NRXN2: variants seen among roughly 807,000 people sequenced by gnomAD.
NRXN2 encodes neurexin 2.
A neutral mutation model predicts 128.8 loss-of-function variants in NRXN2; 29 were observed. The observed-to-expected ratio is 0.23, with a 90% CI of 0.17 to 0.31. The LOEUF (loss-of-function observed/expected upper bound fraction) is 0.31, where lower values mean the gene tolerates loss of function less well. NRXN2 is among the 10% of genes least tolerant of loss of function. The probability of loss-of-function intolerance (pLI) is 1.00; values close to 1 mark genes in which losing one functional copy is unlikely to be tolerated. For missense variants in NRXN2, 1,881 were observed against 2,452.6 expected, an observed-to-expected ratio of 0.77 and a Z score of 4.92; for synonymous variants, 1,098 against 1,075.2, an observed-to-expected ratio of 1.02 and a Z score of -0.41.
At position 64,630,765 on chromosome 11, in the gene NRXN2, T is replaced by C. The variant is rs1250792340; in HGVS notation, c.3586-192A>G. On this transcript the variant is annotated intron_variant, in intron 18 of 22. Coordinates refer to ENST00000265459, the MANE Select transcript of NRXN2 (RefSeq NM_015080.4). This position sits in a 1 kb window ranked among gnomAD's most constrained non-coding sequence, Gnocchi z 4.6. ...CAAGGGAGTAACTTGAGGCCGGAGG[T>C]GCGTGCAGAGCCTGGGCCCAGAGCG... Among the ~76,000 whole-genome samples the C allele has an allele frequency of 6.6e-6, 1 of 152,014 alleles. No individual in the cohort carries two copies. Among genetic ancestry groups the C allele is most frequent in the East Asian group, 1.9e-4 (1 of 5,164 alleles).
intron 17 of NRXN2, among the ~76,000 whole-genome samples, chr11:64,647,023 T>C (rs1026829077): frequency 6.6e-6 from 1 of 152,116 alleles, no homozygotes; most frequent in Admixed American, 6.5e-5. Flanking sequence ...CAAGAGCTCC[T>C]GGACCCAGTA....
rs768560520 is a variant in NRXN2 at position 64,667,723 on chromosome 11, C to T, written c.1360-35G>A. 1.4e-5 allele frequency: 23 copies of T among 1,608,548 alleles called. No individual in the cohort carries two copies. The highest frequency in any genetic ancestry group is 4.5e-5 in the East Asian group (2 of 44,870). On this transcript the variant is annotated intron_variant, in intron 8 of 22. Transcript: ENST00000265459. This position sits in a 1 kb window ranked among gnomAD's most constrained non-coding sequence, Gnocchi z 5.6. ...GGGGTGGGGTCAGGGATAAAGAATC[C>T]GAAAGCAGCTTAGGGCCTGGCCACT... is the stretch of plus-strand genomic sequence containing the variant.
chr11:64,622,833 TGGTGGTGGCCATGTCAGCCAGCAG>T lies in NRXN2; in HGVS notation c.4069_4092del (p.Leu1357_Thr1364del), dbSNP rs778077660. 1.2e-6 allele frequency: 2 copies of T among 1,612,720 alleles called. No individual in the cohort carries two copies. Among genetic ancestry groups the T allele is most frequent in the East Asian group, 2.2e-5 (1 of 44,864 alleles). On this transcript the variant is annotated inframe_deletion, in exon 21 of 23. Transcript: ENST00000265459. This position sits in a 1 kb window ranked among gnomAD's most constrained non-coding sequence, Gnocchi z 4.3. ...GCCATGGTGGTGGTAGTCTCCATGA[TGGTGGTGGCCATGTCAGCCAGCAG>T]GGTGGTGGCCGTGGTCTCCGCACTG...
In NRXN2 at chr11:64,635,737, C is replaced by A. The variant is rs1249947019; in HGVS notation, c.3404-285G>T. On this transcript the variant is annotated intron_variant, in intron 17 of 22. Coordinates refer to ENST00000265459, the MANE Select transcript of NRXN2 (RefSeq NM_015080.4). The surrounding 1 kb of genome is among the most constrained non-coding windows in gnomAD (Gnocchi z 4.8). ...GTAATAGAGTGACACAGAGAGAGAGCCCAGAGAGAAGCTGTAAGGAGACTG... is the reference window on the plus strand; with the variant it reads ...GTAATAGAGTGACACAGAGAGAGAGACCAGAGAGAAGCTGTAAGGAGACTG... 6.6e-6 allele frequency among the ~76,000 whole-genome samples: 1 copy of A among 152,074 alleles called. No individual in the cohort carries two copies. Among genetic ancestry groups the A allele is most frequent in the African/African-American group, 2.4e-5 (1 of 41,384 alleles).
rs2043692378 is a variant in NRXN2 at position 64,630,270 on chromosome 11, CAGT to C, written c.3757+129_3757+131del. 2.4e-6 allele frequency: 2 copies of C among 836,186 alleles called. No homozygotes were observed. The highest frequency in any genetic ancestry group is 3.5e-5 in the African/African-American group (2 of 56,632). 51.8% of individuals were successfully genotyped at this position (836,186 alleles called of 1,614,324 possible). A position where few individuals can be genotyped will look rare whatever the true frequency, so the allele number is the denominator to read the frequency against. Reference sequence around the variant, plus strand: ...TCCCGCCTCGCAAGCTTCGTCTCTCCAGTAGCCCCGCCCCAGAGCCGCTTAGCC... The same window carrying C: ...TCCCGCCTCGCAAGCTTCGTCTCTCCAGCCCCGCCCCAGAGCCGCTTAGCC... On this transcript the variant is annotated intron_variant, in intron 19 of 22. Coordinates refer to ENST00000265459, the MANE Select transcript of NRXN2 (RefSeq NM_015080.4). This position sits in a 1 kb window ranked among gnomAD's most constrained non-coding sequence, Gnocchi z 4.6.
At chr11:64,699,321 C>T (rs1004728856) in intron 2 of NRXN2, among the ~76,000 whole-genome samples, 3 of 152,002 alleles carry the variant, frequency 2.0e-5, no homozygotes, top group African/African-American at 7.3e-5. Flanking sequence ...CCTACATACA[C>T]AGTCTTTCCA....
At chr11:64,653,774 C>T (rs1192134111) in intron 11 of NRXN2, 52 bp from the exon 12 acceptor site, 5 of 1,319,746 alleles carry the variant, frequency 3.8e-6, no homozygotes, top group Admixed American at 2.3e-5. Context: ...AAAGGTAAAA[C>T]AAGTTTTTTT....
At chr11:64,679,305 C>T (rs900680761) in intron 6 of NRXN2, among the ~76,000 whole-genome samples, 4 of 152,164 alleles carry the variant, frequency 2.6e-5, no homozygotes, top group African/African-American at 9.7e-5. Context: ...ACTTTATGAA[C>T]AAGATTCCAT....
chr11:64,677,242 A>C (rs117582459), intron 6 of NRXN2, among the ~76,000 whole-genome samples: 2 of 152,328 alleles, frequency 1.3e-5, no homozygotes, highest in East Asian at 1.9e-4. Flanking sequence ...GTATTTGTTT[A>C]AAGAAAATTA....
intron 11 of NRXN2, 106 bp from the exon 12 acceptor site, chr11:64,653,828 TC>T: frequency 4.7e-6 from 4 of 845,576 alleles, no homozygotes; most frequent in South Asian, 1.7e-5. Flanking sequence ...CGGGCGGGGT[TC>T]CCCCCAGGGC....
intron 2 of NRXN2, among the ~76,000 whole-genome samples, chr11:64,702,819 A>T (rs1474879615): frequency 6.6e-6 from 1 of 151,174 alleles, no homozygotes; most frequent in Non-Finnish European, 1.5e-5. Flanking sequence ...ATTAGAAAAA[A>T]AAAAAAAGAA....
chr11:64,694,260 C>A (rs2054205434), intron 3 of NRXN2, among the ~76,000 whole-genome samples: 1 of 152,202 alleles, frequency 6.6e-6, no homozygotes, highest in South Asian at 2.1e-4. Flanking sequence ...CCCTGCAGTG[C>A]CACTGTCACC....
rs1053568587 is a variant in NRXN2 at position 64,690,326 on chromosome 11, T to G, written c.850+79A>C. 2.1e-5 allele frequency: 28 copies of G among 1,337,214 alleles called. No homozygotes were observed. The East Asian group carries it at 3.8e-4, about 18-fold the overall frequency. The allele number at this position is 1,337,214 out of a possible 1,614,324, so 82.8% of individuals were successfully genotyped here. ...GACAAGGGGATGTGCCTGCGTTGAC[T>G]TGGCTTCCCCCCAGGAAGCACAGTT... On this transcript the variant is annotated intron_variant, in intron 5 of 22. Transcript: ENST00000265459.
At chr11:64,696,542 C>CAT (rs1391803192) in intron 3 of NRXN2, among the ~76,000 whole-genome samples, 39 of 150,264 alleles carry the variant, frequency 2.6e-4, no homozygotes, top group Non-Finnish European at 4.6e-4. Context: ...CACACACACA[C>CAT]ACACACACAC....
At chr11:64,698,594 G>C (rs2135609178) in intron 2 of NRXN2, among the ~76,000 whole-genome samples, 1 of 152,344 alleles carries the variant, frequency 6.6e-6, no homozygotes, top group Non-Finnish European at 1.5e-5. Context: ...GGGCCCCCAG[G>C]CTGGATGGCC....
intron 5 of NRXN2, among the ~76,000 whole-genome samples, chr11:64,689,871 C>T (rs1276188542): frequency 1.3e-5 from 2 of 152,174 alleles, no homozygotes; most frequent in Non-Finnish European, 2.9e-5. Context: ...GCTTGGCACC[C>T]ACTGGAGTTC....
chr11:64,708,258 T>C (rs2056543380), intron 2 of NRXN2, among the ~76,000 whole-genome samples: 1 of 152,162 alleles, frequency 6.6e-6, no homozygotes, highest in Non-Finnish European at 1.5e-5. Context: ...TGTGTCTACC[T>C]CCCTGCAAGC....
Position 64,623,328 on chromosome 11 carries a change from G to C in NRXN2, c.3848-250C>G, listed in dbSNP as rs1382381594. ...GGCACCCAGGGTACACATGGGCTGGGGAAGGGGAGCCCAGTCCCTCCTCCC... is the reference window on the plus strand; with the variant it reads ...GGCACCCAGGGTACACATGGGCTGGCGAAGGGGAGCCCAGTCCCTCCTCCC... On this transcript the variant is annotated intron_variant, in intron 20 of 22. Transcript: ENST00000265459. This position sits in a 1 kb window ranked among gnomAD's most constrained non-coding sequence, Gnocchi z 4.9. The C allele has an allele frequency of 3.4e-6, 2 of 596,688 alleles. No homozygotes were observed. Among genetic ancestry groups the C allele is most frequent in the Non-Finnish European group, 5.8e-6 (2 of 343,522 alleles). The allele number at this position is 596,688 out of a possible 1,614,324, so 37.0% of individuals were successfully genotyped here.
intron 12 of NRXN2, among the ~76,000 whole-genome samples, chr11:64,652,823 C>T (rs1327292522): frequency 6.6e-6 from 1 of 152,076 alleles, no homozygotes; most frequent in Non-Finnish European, 1.5e-5. Context: ...GGAACTATGG[C>T]CATTTACTCA....
Sources: allele counts gnomAD v4.1 joint callset (sites outside exome capture counted in the v4.1 genomes callset), GRCh38; gene constraint gnomAD v4.1.1; non-coding constraint Gnocchi (gnomAD v3.1); transcripts MANE v1.5; gene names NCBI Gene and HGNC (gene_info 2026-07-23, HGNC 2026-07-21).